Variants in SV2C observed in about 807,000 individuals in gnomAD.
SV2C encodes solute carrier family 22 member B3.
SV2C carries 49 observed loss-of-function variants against 79.7 expected under a neutral mutation model. The observed-to-expected ratio is 0.61, with a 90% CI of 0.49 to 0.78. The LOEUF (loss-of-function observed/expected upper bound fraction) is 0.78, where lower values mean the gene tolerates loss of function less well. Among genes scored for constraint, SV2C ranks in the 30% least tolerant of loss-of-function variants. The pLI is 0.00. For missense variants in SV2C, 833 were observed against 912.9 expected, an observed-to-expected ratio of 0.91 and a Z score of 1.13; for synonymous variants, 334 against 333.2, an observed-to-expected ratio of 1.00 and a Z score of -0.03.
chr5:75,943,889 A>C, the SV2C span, among the ~76,000 whole-genome samples: 1 of 152,148 alleles, frequency 6.6e-6, no homozygotes, highest in African/African-American at 2.4e-5. Context: ...AGAACTTATT[A>C]CTGCCAGAAT....
the SV2C span, among the ~76,000 whole-genome samples, chr5:75,912,179 A>T: frequency 7.1e-6 from 1 of 140,762 alleles, no homozygotes; most frequent in Non-Finnish European, 1.6e-5. Flanking sequence ...AAGCAAAAGC[A>T]TCTATAGACA....
intron 2 of SV2C, among the ~76,000 whole-genome samples, chr5:76,151,712 G>A (rs1027090648): frequency 1.8e-4 from 28 of 152,154 alleles, no homozygotes; most frequent in African/African-American, 6.8e-4. Flanking sequence ...GAGCCCACTT[G>A]TAGGAAGGAA....
intron 12 of SV2C, among the ~76,000 whole-genome samples, chr5:76,312,599 G>A (rs1381039050): frequency 1.3e-5 from 2 of 152,170 alleles, no homozygotes; most frequent in African/African-American, 4.8e-5. Flanking sequence ...GGGGCCAGGA[G>A]CGCACACCTT....
At position 76,139,588 on chromosome 5, in the gene SV2C, G is replaced by A. The variant is rs150709793; in HGVS notation, c.580+7258G>A. 1.5e-3 allele frequency among the ~76,000 whole-genome samples: 222 copies of A among 152,196 alleles called. 1 individual carries two copies. Among genetic ancestry groups the A allele is most frequent in the African/African-American group, 5.3e-3 (219 of 41,502 alleles). The stretch of plus-strand genomic sequence containing the variant: ...TCTGTCTTTAGTGTGCTGACATATC[G>A]GGTTTCTGAACATATAAGACTGAGG... On this transcript the variant is annotated intron_variant, in intron 2 of 12. Transcript: ENST00000502798.
At chr5:76,171,766 T>G (rs1470338603) in intron 2 of SV2C, among the ~76,000 whole-genome samples, 10 of 88,056 alleles carry the variant, frequency 1.1e-4, no homozygotes, top group Non-Finnish European at 1.4e-4. Flanking sequence ...GGTGGGGGGG[T>G]CAGCCCCCCG....
At chr5:76,027,409 A>G in the SV2C span, among the ~76,000 whole-genome samples, 2 of 151,754 alleles carry the variant, frequency 1.3e-5, no homozygotes, top group Non-Finnish European at 2.9e-5. Context: ...CTTATTTTAT[A>G]TCTTGTCCAT....
At chr5:76,030,659 T>A in the SV2C span, among the ~76,000 whole-genome samples, 1 of 151,958 alleles carries the variant, frequency 6.6e-6, no homozygotes, top group Non-Finnish European at 1.5e-5. Context: ...ATTCTGTCTC[T>A]CTCAGGGCAG....
At chr5:76,334,722 A>G (rs541793232), downstream of SV2C, among the ~76,000 whole-genome samples, 4 of 151,978 alleles carry the variant, frequency 2.6e-5, no homozygotes, top group Non-Finnish European at 5.9e-5. Context: ...CCTCCAGCAG[A>G]CTCCCCATTA....
chr5:76,272,901 T>A (rs1243345791), intron 4 of SV2C, among the ~76,000 whole-genome samples: 1 of 152,040 alleles, frequency 6.6e-6, no homozygotes, highest in Admixed American at 6.6e-5. Flanking sequence ...ATAGTTTATA[T>A]ATAAATACAA....
the SV2C span, among the ~76,000 whole-genome samples, chr5:75,854,810 A>G: frequency 6.6e-6 from 1 of 152,116 alleles, no homozygotes; most frequent in South Asian, 2.1e-4. Flanking sequence ...TGTTTTTCCT[A>G]TGCTCTCTTC....
chr5:75,951,340 T>G, the SV2C span, among the ~76,000 whole-genome samples: 13 of 152,176 alleles, frequency 8.5e-5, no homozygotes, highest in East Asian at 2.5e-3. Flanking sequence ...GTATTCATTC[T>G]GGCTGATTAA....
chr5:76,186,254 G>A (rs116485873), intron 2 of SV2C, among the ~76,000 whole-genome samples: 2,912 of 152,254 alleles, frequency 0.019, 87 homozygotes, highest in African/African-American at 0.067. Flanking sequence ...AACTGTTCCA[G>A]CAACTGGCTG....
intron 12 of SV2C, among the ~76,000 whole-genome samples, chr5:76,312,684 A>G (rs1748490199): frequency 6.6e-6 from 1 of 152,212 alleles, no homozygotes; most frequent in Non-Finnish European, 1.5e-5. Context: ...AGCCTGTCTC[A>G]TGGTGTCGTT....
At chr5:76,285,939 G>A (rs1747343812) in intron 6 of SV2C, 69 bp downstream of exon 6, 1 of 1,468,886 alleles carries the variant, frequency 6.8e-7, no homozygotes. Context: ...GGGAAAAATT[G>A]TAAATATTTT....
In SV2C at chr5:76,139,856, A is replaced by ATTT. The variant is rs3079931; in HGVS notation, c.580+7548_580+7550dup. ...TCCATTTTTAGAAGCTCTTGAAAGT[A>ATTT]TTTTTTTTTTTTTTTTTTTTTTTTG... On this transcript the variant is annotated intron_variant, in intron 2 of 12. Coordinates refer to ENST00000502798, the MANE Select transcript of SV2C (RefSeq NM_014979.4). Among the ~76,000 whole-genome samples the ATTT allele has an allele frequency of 6.3e-3, 411 of 65,278 alleles. 23 individuals are homozygous for ATTT. The East Asian group carries it at 0.064, about 10-fold the overall frequency. 42.8% of individuals were successfully genotyped at this position (65,278 alleles called of 152,430 possible). A position where few individuals can be genotyped will look rare whatever the true frequency, so the allele number is the denominator to read the frequency against.
downstream of SV2C, among the ~76,000 whole-genome samples, chr5:76,335,567 GGCCCTCCGCAGT>G: frequency 8.6e-5 from 13 of 151,928 alleles, no homozygotes; most frequent in Non-Finnish European, 1.3e-4. Context: ...AGGACCCTGC[GGCCCTCCGCAGT>G]GTTTGTGTCC....
intron 4 of SV2C, among the ~76,000 whole-genome samples, chr5:76,253,294 G>A (rs1746167395): frequency 6.6e-6 from 1 of 151,922 alleles, no homozygotes; most frequent in Non-Finnish European, 1.5e-5. Context: ...TATGTTTTTT[G>A]CTTTTTGGTT....
chr5:76,163,283 T>C (rs1742950995), intron 2 of SV2C, among the ~76,000 whole-genome samples: 1 of 152,228 alleles, frequency 6.6e-6, no homozygotes, highest in African/African-American at 2.4e-5. Context: ...ATCCTTGCGT[T>C]ACCAGTGCCT....
At chr5:75,956,079 A>C in the SV2C span, among the ~76,000 whole-genome samples, 3 of 142,292 alleles carry the variant, frequency 2.1e-5, no homozygotes, top group Non-Finnish European at 3.1e-5. Flanking sequence ...TCATGCTGCT[A>C]TAAAGACACA....
Sources: gnomAD v4.1 joint callset for allele counts (sites outside exome capture counted in the v4.1 genomes callset) on GRCh38, gnomAD v4.1.1 for gene constraint, MANE v1.5 for transcripts, NCBI Gene and HGNC (gene_info 2026-07-23, HGNC 2026-07-21) for gene names.